Variants in SYT1 observed in about 807,000 individuals in gnomAD.
The protein encoded by SYT1 is synaptotagmin 1.
In SYT1, 8 loss-of-function variants were observed where a neutral mutation model predicts 44.8. The observed-to-expected ratio is 0.18, with a 90% CI of 0.10 to 0.32. The LOEUF (loss-of-function observed/expected upper bound fraction) is 0.32, where lower values mean the gene tolerates loss of function less well. Among genes scored for constraint, SYT1 ranks in the 10% least tolerant of loss-of-function variants. SYT1 has a pLI of 1.00. For missense variants in SYT1, 286 were observed against 509.3 expected (o/e 0.56, Z 4.22); for synonymous variants, 154 against 188.8 (o/e 0.82, Z 1.51).
At chr12:79,055,961 T>C (rs1874903474) in intron 3 of SYT1, among the ~76,000 whole-genome samples, 1 of 152,052 alleles carries the variant, frequency 6.6e-6, no homozygotes, top group Admixed American at 6.6e-5. Context: ...AGATTTTTAC[T>C]GTACCTTTTC....
At chr12:79,427,864 G>T (rs1260480905) in intron 9 of SYT1, among the ~76,000 whole-genome samples, 1 of 152,162 alleles carries the variant, frequency 6.6e-6, no homozygotes. Context: ...GGCTCTATTT[G>T]TCTAGCTCAG....
chr12:79,413,761 A>G (rs775394699), intron 9 of SYT1, among the ~76,000 whole-genome samples: 1 of 152,182 alleles, frequency 6.6e-6, no homozygotes, highest in Non-Finnish European at 1.5e-5. Flanking sequence ...AGAAAGTTTG[A>G]ATACTCTCTC....
chr12:78,890,788 C>A (rs1875011316), intron 1 of SYT1, among the ~76,000 whole-genome samples: 1 of 151,852 alleles, frequency 6.6e-6, no homozygotes. Flanking sequence ...AACTGCATTT[C>A]TGTTACCTCC....
At chr12:79,071,464 C>T (rs1459568333) in intron 3 of SYT1, among the ~76,000 whole-genome samples, 1 of 152,144 alleles carries the variant, frequency 6.6e-6, no homozygotes, top group East Asian at 1.9e-4. Context: ...ATAAACACTA[C>T]TATAGATCAG....
chr12:78,960,683 T>C (rs1879455378), intron 1 of SYT1: 3 of 152,246 alleles, frequency 2.0e-5, no homozygotes, highest in East Asian at 1.9e-4. Context: ...CTTACATCAA[T>C]AGGGTTAGAG....
At chr12:78,962,543 A>C (rs539096637) in intron 1 of SYT1, among the ~76,000 whole-genome samples, 1 of 152,156 alleles carries the variant, frequency 6.6e-6, no homozygotes, top group South Asian at 2.1e-4. Context: ...CAATTGAATA[A>C]GTATATATAT....
intron 3 of SYT1, among the ~76,000 whole-genome samples, chr12:79,135,864 C>T (rs1002107284): frequency 6.6e-6 from 1 of 152,160 alleles, no homozygotes; most frequent in Admixed American, 6.6e-5. Flanking sequence ...AATTTCTGAA[C>T]AAATATGATC....
At chr12:78,886,402 A>G (rs1874754269) in intron 1 of SYT1, among the ~76,000 whole-genome samples, 2 of 152,010 alleles carry the variant, frequency 1.3e-5, no homozygotes, top group South Asian at 2.1e-4. Flanking sequence ...TTTAAACAAA[A>G]ACAGATTGAT....
chr12:79,218,831 G>A (rs904825310), intron 4 of SYT1, among the ~76,000 whole-genome samples: 3 of 152,154 alleles, frequency 2.0e-5, no homozygotes, highest in Admixed American at 1.3e-4. Context: ...ACATGGGAGT[G>A]CAGATATCTG....
At chr12:79,302,569 A>G (rs1034221373) in intron 8 of SYT1, among the ~76,000 whole-genome samples, 2 of 152,170 alleles carry the variant, frequency 1.3e-5, no homozygotes, top group Non-Finnish European at 2.9e-5. Context: ...CCATGTTTAA[A>G]AGGAAGTGAT....
At chr12:79,006,669 T>C (rs547704354) in intron 2 of SYT1, among the ~76,000 whole-genome samples, 165 of 152,246 alleles carry the variant, frequency 1.1e-3, no homozygotes, top group Admixed American at 1.8e-3. Flanking sequence ...TGAAATATAC[T>C]ATGTAGGATC....
At chr12:79,080,798 A>G (rs1876980407) in intron 3 of SYT1, among the ~76,000 whole-genome samples, 1 of 152,202 alleles carries the variant, frequency 6.6e-6, no homozygotes, top group South Asian at 2.1e-4. Context: ...AGCAGCCACA[A>G]GGATGCTGTA....
At chr12:79,385,446 C>T (rs1268757884) in intron 9 of SYT1, among the ~76,000 whole-genome samples, 1 of 142,778 alleles carries the variant, frequency 7.0e-6, no homozygotes, top group Non-Finnish European at 1.6e-5. Flanking sequence ...CTCAATCAAG[C>T]TTTATGTATA....
chr12:79,066,664 T>C (rs1028966721), intron 3 of SYT1, among the ~76,000 whole-genome samples: 1 of 152,092 alleles, frequency 6.6e-6, no homozygotes, highest in Admixed American at 6.6e-5. Context: ...TAGTGCCTAA[T>C]TAGAAATAAA....
chr12:79,291,485 A>G (rs550776262), intron 5 of SYT1, among the ~76,000 whole-genome samples: 1 of 152,298 alleles, frequency 6.6e-6, no homozygotes, highest in Non-Finnish European at 1.5e-5. Flanking sequence ...ATAAATGTAT[A>G]TGTGAAACAC....
intron 4 of SYT1, among the ~76,000 whole-genome samples, chr12:79,234,864 C>A (rs1244378717): frequency 1.3e-5 from 2 of 152,074 alleles, no homozygotes; most frequent in East Asian, 3.9e-4. Context: ...GCACATGCCA[C>A]CATGCCCAGC....
intron 1 of SYT1, chr12:78,976,502 T>TAA (rs1868844923): frequency 6.6e-6 from 1 of 152,218 alleles, no homozygotes; most frequent in Non-Finnish European, 1.5e-5. Flanking sequence ...ATCCACTGGT[T>TAA]GGCGAAGAGA....
intron 3 of SYT1, among the ~76,000 whole-genome samples, chr12:79,143,600 C>T (rs1024790888): frequency 6.6e-6 from 1 of 152,204 alleles, no homozygotes; most frequent in Non-Finnish European, 1.5e-5. Context: ...TCACCCACAA[C>T]CCAGTCATTT....
intron 9 of SYT1, among the ~76,000 whole-genome samples, chr12:79,415,211 C>T (rs1003899733): frequency 6.6e-6 from 1 of 152,100 alleles, no homozygotes; most frequent in Admixed American, 6.6e-5. Flanking sequence ...CCAGTCCTTC[C>T]ATTAAGAGAT....
Sources: allele counts gnomAD v4.1 joint callset (sites outside exome capture counted in the v4.1 genomes callset), GRCh38; gene constraint gnomAD v4.1.1; transcripts MANE v1.5; gene names NCBI Gene and HGNC (gene_info 2026-07-23, HGNC 2026-07-21).